Variants in PALLD observed in about 807,000 individuals in gnomAD.
The protein encoded by PALLD is palladin, cytoskeletal associated protein.
A neutral mutation model predicts 123.5 loss-of-function variants in PALLD; 61 were observed. The observed-to-expected ratio is 0.49, with a 90% CI of 0.40 to 0.61. PALLD has a LOEUF of 0.61. PALLD is among the 20% of genes least tolerant of loss of function. The pLI, the probability that PALLD is intolerant of heterozygous loss-of-function variation, is 0.00. For synonymous variants in PALLD, 465 were observed against 496.4 expected, an observed-to-expected ratio of 0.94 and a Z score of 0.84; for missense variants, 1,273 against 1,377.0, an observed-to-expected ratio of 0.92 and a Z score of 1.20.
chr4:168,737,474 A>G (rs981556241), intron 10 of PALLD, among the ~76,000 whole-genome samples: 1 of 152,146 alleles, frequency 6.6e-6, no homozygotes, highest in South Asian at 2.1e-4. Flanking sequence ...TCTATGTACA[A>G]CATGCTCACT....
intron 2 of PALLD, among the ~76,000 whole-genome samples, chr4:168,597,445 T>G (rs773685479): frequency 6.6e-6 from 1 of 152,078 alleles, no homozygotes; most frequent in Non-Finnish European, 1.5e-5. Flanking sequence ...AATTATAAAT[T>G]TTTAAAACAT....
At chr4:168,877,744 A>T in intron 10 of PALLD, 3 of 1,160,726 alleles carry the variant, frequency 2.6e-6, no homozygotes, top group Non-Finnish European at 3.2e-6. Flanking sequence ...AGCTCCAGCA[A>T]CTCCAGAACC....
At chr4:168,502,247 G>A (rs1457505236) in intron 1 of PALLD, among the ~76,000 whole-genome samples, 1 of 152,110 alleles carries the variant, frequency 6.6e-6, no homozygotes, top group African/African-American at 2.4e-5. Flanking sequence ...GCTAGTATCC[G>A]TGTGAAAGAG....
At chr4:168,760,772 T>C (rs915003076) in intron 10 of PALLD, among the ~76,000 whole-genome samples, 11 of 152,234 alleles carry the variant, frequency 7.2e-5, no homozygotes, top group Non-Finnish European at 1.5e-4. Context: ...TTCTGTTTTC[T>C]CCTTCAGGTA....
chr4:168,883,585 T>C (rs1291532549), intron 10 of PALLD, among the ~76,000 whole-genome samples: 1 of 152,236 alleles, frequency 6.6e-6, no homozygotes, highest in African/African-American at 2.4e-5. Context: ...AAGGGAAGGA[T>C]GCTTTCAAGA....
chr4:168,635,367 C>T lies in PALLD; in HGVS notation c.909-32823C>T, dbSNP rs1776237581. Among the ~76,000 whole-genome samples, 3 of 152,326 alleles carry T rather than the reference C, an allele frequency of 2.0e-5. No individual in the cohort carries two copies. In the South Asian group the frequency reaches 6.2e-4, roughly 32 times the overall value. ...GGGAACACATAACACTTGGGTGCAA[C>T]ACTTCGTTTGTGAGACTAAGCAGCC... On this transcript the variant is annotated intron_variant, in intron 2 of 21. Coordinates refer to ENST00000505667, the MANE Select transcript of PALLD (RefSeq NM_001166108.2).
intron 10 of PALLD, 45 bp from the exon 11 acceptor site, chr4:168,890,877 T>C (rs777111239): frequency 6.2e-7 from 1 of 1,609,686 alleles, no homozygotes; most frequent in Admixed American, 1.7e-5. Context: ...CTTGGATTTA[T>C]ATGCCTGACA....
At position 168,878,017 on chromosome 4, in the gene PALLD, C is replaced by T. The variant is rs1338758210; in HGVS notation, c.1965-12905C>T. 1.3e-6 allele frequency: 2 copies of T among 1,496,296 alleles called. No homozygotes were observed. The highest frequency in any genetic ancestry group is 2.8e-5 in the East Asian group (1 of 35,858). The allele number at this position is 1,496,296 out of a possible 1,614,324, so 92.7% of individuals were successfully genotyped here. A position where few individuals can be genotyped will look rare whatever the true frequency, so the allele number is the denominator to read the frequency against. On this transcript the variant is annotated intron_variant, in intron 10 of 21. Coordinates refer to ENST00000505667, the MANE Select transcript of PALLD (RefSeq NM_001166108.2). ...CCGCGTCGGGCCACGGCACGCCGGCCTCCAGCCCCAGCTCGTCCAGCCTCC... is the reference window on the plus strand; with the variant it reads ...CCGCGTCGGGCCACGGCACGCCGGCTTCCAGCCCCAGCTCGTCCAGCCTCC...
intron 10 of PALLD, among the ~76,000 whole-genome samples, chr4:168,723,693 A>G (rs11132434): frequency 0.19 from 28,513 of 152,184 alleles, 3,081 homozygotes; most frequent in East Asian, 0.45. Context: ...TCTGATGCTG[A>G]GAAGCAAAAG....
intron 10 of PALLD, among the ~76,000 whole-genome samples, chr4:168,873,117 T>C (rs967452248): frequency 1.3e-5 from 2 of 152,220 alleles, no homozygotes; most frequent in African/African-American, 2.4e-5. Context: ...CCTCCTAGTA[T>C]AGGAATGTCC....
chr4:168,660,186 G>A (rs17054450), intron 2 of PALLD, among the ~76,000 whole-genome samples: 9,079 of 152,194 alleles, frequency 0.06, 511 homozygotes, highest in African/African-American at 0.15. Context: ...CGTCAGGGAG[G>A]TGAATTTTTA....
At chr4:168,796,154 AT>A (rs1371680926) in intron 10 of PALLD, among the ~76,000 whole-genome samples, 2 of 151,838 alleles carry the variant, frequency 1.3e-5, no homozygotes, top group African/African-American at 2.4e-5. Context: ...TCATTCTTCT[AT>A]TTTTTTGTAC....
At chr4:168,513,751 TG>T (rs1422245042) in intron 2 of PALLD, among the ~76,000 whole-genome samples, 1 of 152,178 alleles carries the variant, frequency 6.6e-6, no homozygotes, top group Non-Finnish European at 1.5e-5. Flanking sequence ...TTCATTTATC[TG>T]GGAAGTTTTG....
chr4:168,594,340 A>G (rs1771761904), intron 2 of PALLD, among the ~76,000 whole-genome samples: 1 of 152,186 alleles, frequency 6.6e-6, no homozygotes, highest in Admixed American at 6.5e-5. Context: ...AATAAGCTTT[A>G]CCTTAGTCGC....
intron 10 of PALLD, among the ~76,000 whole-genome samples, chr4:168,763,518 C>T (rs1733238609): frequency 6.6e-6 from 1 of 152,116 alleles, no homozygotes; most frequent in Non-Finnish European, 1.5e-5. Flanking sequence ...ACACAGTGTC[C>T]AAGGTATTTA....
chr4:168,511,747 T>A lies in PALLD; in HGVS notation c.243T>A (p.His81Gln). The A allele has an allele frequency of 1.9e-6, 3 of 1,614,092 alleles. No individual in the cohort carries two copies. Among genetic ancestry groups the A allele is most frequent in the East Asian group, 2.2e-5 (1 of 44,868 alleles). Residue 81 changes from histidine (H) to glutamine (Q), a missense_variant, in exon 2 of 22, where the codon CAT becomes CAA. Around this residue, in one of 2 missense-constraint regions of PALLD, gnomAD observed 944 missense variants for 954.5 expected, o/e 0.99. Transcript: ENST00000505667. ...SPASLCEHPS[H>Q]KETKLGEHAS... ...CAAGCCTCTGTGAACATCCTTCCCA[T>A]AAGGAGACCAAATTGGGTGAACACG...
chr4:168,586,297 A>G (rs1450007758), intron 2 of PALLD, among the ~76,000 whole-genome samples: 1 of 152,112 alleles, frequency 6.6e-6, no homozygotes, highest in Non-Finnish European at 1.5e-5. Context: ...TAGGAATTAG[A>G]TATGCCCCAA....
intron 3 of PALLD, among the ~76,000 whole-genome samples, chr4:168,669,941 G>T (rs1182137208): frequency 6.6e-6 from 1 of 152,166 alleles, no homozygotes; most frequent in Non-Finnish European, 1.5e-5. Context: ...AACCAAGACA[G>T]TCTTGCTCCA....
At chr4:168,529,831 G>GCTTT (rs2149478786) in intron 2 of PALLD, among the ~76,000 whole-genome samples, 1 of 152,212 alleles carries the variant, frequency 6.6e-6, no homozygotes, top group East Asian at 1.9e-4. Context: ...AATACTTAAA[G>GCTTT]AAGTAATTGT....
Sources: gnomAD v4.1 joint callset for allele counts (sites outside exome capture counted in the v4.1 genomes callset) on GRCh38, gnomAD v4.1.1 for gene constraint, gnomAD v4.1.1 regional missense constraint, MANE v1.5 for transcripts, NCBI Gene and HGNC (gene_info 2026-07-23, HGNC 2026-07-21) for gene names.